Variants in ASB18 observed in about 807,000 individuals in gnomAD.
ASB18 encodes ankyrin repeat and SOCS box protein 18.
Under a neutral mutation model 33.4 loss-of-function variants are expected in ASB18, and 33 were observed. That is an observed-to-expected ratio of 0.99 (90% CI 0.75 to 1.32). The LOEUF (loss-of-function observed/expected upper bound fraction) is 1.32. ASB18 is among the 40% of genes most tolerant of loss of function. The pLI is 0.00. For synonymous variants in ASB18, 295 were observed against 307.6 expected (o/e 0.96, Z 0.43); for missense variants, 694 against 655.5 (o/e 1.06, Z -0.64).
chr2:236,204,259 G>T lies in ASB18; in HGVS notation c.1102-7874C>A, dbSNP rs2060422239. ...CTGCCTCGCCAGTGGTCCATGCTCT[G>T]CCTCACTTTACTTGCTGTGTCAGCC... On this transcript the variant is annotated intron_variant, in intron 4 of 5. Coordinates refer to ENST00000409749, the MANE Select transcript of ASB18 (RefSeq NM_212556.4). This position sits in a 1 kb window ranked among gnomAD's most constrained non-coding sequence, Gnocchi z 5.1. Among the ~76,000 whole-genome samples, 1 of 152,128 alleles carries T rather than the reference G, an allele frequency of 6.6e-6. No individual in the cohort carries two copies. Among genetic ancestry groups the T allele is most frequent in the African/African-American group, 2.4e-5 (1 of 41,418 alleles).
chr2:236,231,038 C>T lies in ASB18; in HGVS notation c.596+6651G>A, dbSNP rs913384354. On this transcript the variant is annotated intron_variant, in intron 3 of 5. Transcript: ENST00000409749. This position sits in a 1 kb window ranked among gnomAD's most constrained non-coding sequence, Gnocchi z 5.5. ...GGATGGTATGGTAGGCAGTATCTAGCATGGTCCCCCACTGAAGTCTATCTT... is the reference window on the plus strand; with the variant it reads ...GGATGGTATGGTAGGCAGTATCTAGTATGGTCCCCCACTGAAGTCTATCTT... Among the ~76,000 whole-genome samples, 2 of 152,160 alleles carry T rather than the reference C, an allele frequency of 1.3e-5. No homozygotes were observed. The highest frequency in any genetic ancestry group is 4.8e-5 in the African/African-American group (2 of 41,444).
In ASB18 at chr2:236,250,870, T is replaced by A. The variant is rs1403159873; in HGVS notation, c.206-9468A>T. 2 of 152,220 alleles carry A rather than the reference T, an allele frequency of 1.3e-5. No homozygotes were observed. Among genetic ancestry groups the A allele is most frequent in the African/African-American group, 4.8e-5 (2 of 41,456 alleles). The allele number at this position is 152,220 out of a possible 1,614,324, so 9.4% of individuals were successfully genotyped here. A position where few individuals can be genotyped will look rare whatever the true frequency, so the allele number is the denominator to read the frequency against. Reference sequence around the variant, plus strand: ...CATTAATATCAAAAATGTTAAAGTATCTCAACCTCCTCTCTGAATAACAAT... The same window carrying A: ...CATTAATATCAAAAATGTTAAAGTAACTCAACCTCCTCTCTGAATAACAAT... On this transcript the variant is annotated intron_variant, in intron 1 of 5. Coordinates refer to ENST00000409749, the MANE Select transcript of ASB18 (RefSeq NM_212556.4). This position sits in a 1 kb window ranked among gnomAD's most constrained non-coding sequence, Gnocchi z 4.1.
rs923384223 is a variant in ASB18, at chr2:236,245,791, C to T, written c.206-4389G>A. Reference sequence around the variant, plus strand: ...GTTCTTCATGCCCCGCATGGTGTTCCACACAGAGAAGGTCTTCAATGCCAA... The same window carrying T: ...GTTCTTCATGCCCCGCATGGTGTTCTACACAGAGAAGGTCTTCAATGCCAA... On this transcript the variant is annotated intron_variant, in intron 1 of 5. Coordinates refer to ENST00000409749, the MANE Select transcript of ASB18 (RefSeq NM_212556.4). The surrounding 1 kb of genome is among the most constrained non-coding windows in gnomAD (Gnocchi z 4.7). 2.6e-5 allele frequency among the ~76,000 whole-genome samples: 4 copies of T among 152,178 alleles called. No individual in the cohort carries two copies. The highest frequency in any genetic ancestry group is 5.9e-5 in the Non-Finnish European group (4 of 68,030).
In ASB18 at chr2:236,238,036, G is replaced by A. The variant is rs1246453525; in HGVS notation, c.329-80C>T. 7 of 1,258,178 alleles carry A rather than the reference G, an allele frequency of 5.6e-6. No homozygotes were observed. The highest frequency in any genetic ancestry group is 7.3e-6 in the Non-Finnish European group (7 of 963,970). The allele number at this position is 1,258,178 out of a possible 1,614,324, so 77.9% of individuals were successfully genotyped here. A position where few individuals can be genotyped will look rare whatever the true frequency, so the allele number is the denominator to read the frequency against. Reference sequence around the variant, plus strand: ...TGGGCGGTGTTCCTTAAGGCGGAAAGAAAGTGAAGCCGTCTCTTAAAGGTA... The same window carrying A: ...TGGGCGGTGTTCCTTAAGGCGGAAAAAAAGTGAAGCCGTCTCTTAAAGGTA... On this transcript the variant is annotated intron_variant, in intron 2 of 5. Coordinates refer to ENST00000409749, the MANE Select transcript of ASB18 (RefSeq NM_212556.4). The surrounding 1 kb of genome is among the most constrained non-coding windows in gnomAD (Gnocchi z 5.2).
At position 236,194,856 on chromosome 2, in the gene ASB18, T is replaced by C. The variant is rs371511106; in HGVS notation, c.*16A>G. ...CAGCGAGGAGAACAACAGTATTGGT[T>C]GCAGCGTTCTGCGTTTCAGTGCAAA... On this transcript the variant is annotated 3_prime_UTR_variant, in exon 6 of 6. Transcript: ENST00000409749. This position sits in a 1 kb window ranked among gnomAD's most constrained non-coding sequence, Gnocchi z 4.5. The C allele has an allele frequency of 5.4e-5, 87 of 1,607,248 alleles. No individual in the cohort carries two copies. The highest frequency in any genetic ancestry group is 3.3e-4 in the Middle Eastern group (2 of 6,056).
rs2060366541 is a variant in ASB18 at position 236,195,299 on chromosome 2, C to T, written c.1216-242G>A. On this transcript the variant is annotated intron_variant, in intron 5 of 5. Coordinates refer to ENST00000409749, the MANE Select transcript of ASB18 (RefSeq NM_212556.4). The surrounding 1 kb of genome is among the most constrained non-coding windows in gnomAD (Gnocchi z 5.5). ...ATTCTGACTGGGGTGACTTCAGATG[C>T]TCCAGGTGGTCTCCCCGAATTCCGT... Among the ~76,000 whole-genome samples, 1 of 152,164 alleles carries T rather than the reference C, an allele frequency of 6.6e-6. No individual in the cohort carries two copies. The highest frequency in any genetic ancestry group is 1.5e-5 in the Non-Finnish European group (1 of 68,032).
intron 1 of ASB18, among the ~76,000 whole-genome samples, chr2:236,254,395 C>G (rs1166867331): frequency 6.6e-6 from 1 of 151,850 alleles, no homozygotes; most frequent in Non-Finnish European, 1.5e-5. Context: ...AATTGAGCAC[C>G]CAGGCATGCG....
At position 236,251,715 on chromosome 2, in the gene ASB18, A is replaced by G. The variant is rs1314948639; in HGVS notation, c.206-10313T>C. 1.3e-5 allele frequency among the ~76,000 whole-genome samples: 2 copies of G among 152,254 alleles called. No individual in the cohort carries two copies. Among genetic ancestry groups the G allele is most frequent in the Non-Finnish European group, 2.9e-5 (2 of 68,052 alleles). ...CGGAAAAACAGGAAAAAAAATGATA[A>G]GAACTGTAAGTGACTGCTGAAACAC... On this transcript the variant is annotated intron_variant, in intron 1 of 5. Coordinates refer to ENST00000409749, the MANE Select transcript of ASB18 (RefSeq NM_212556.4). The surrounding 1 kb of genome is among the most constrained non-coding windows in gnomAD (Gnocchi z 5.3).
In ASB18 at chr2:236,225,551, A is replaced by G. The variant is rs2060533031; in HGVS notation, c.597-10685T>C. Reference sequence around the variant, plus strand: ...CGAGACAGCTATAGACAAGAAAAAGAATAGGGCGTCAACACATTCTTTTCT... The same window carrying G: ...CGAGACAGCTATAGACAAGAAAAAGGATAGGGCGTCAACACATTCTTTTCT... On this transcript the variant is annotated intron_variant, in intron 3 of 5. Coordinates refer to ENST00000409749, the MANE Select transcript of ASB18 (RefSeq NM_212556.4). This position sits in a 1 kb window ranked among gnomAD's most constrained non-coding sequence, Gnocchi z 5.1. 6.6e-6 allele frequency among the ~76,000 whole-genome samples: 1 copy of G among 152,230 alleles called. No individual in the cohort carries two copies. The highest frequency in any genetic ancestry group is 1.5e-5 in the Non-Finnish European group (1 of 68,044).
rs1352396536 is a variant in ASB18 at position 236,226,009 on chromosome 2, C to T, written c.597-11143G>A. ...AAAAAAATTAAGGATGACCTAAAAT[C>T]TACTGTGTTTAAAAAGATTGCAGAG... On this transcript the variant is annotated intron_variant, in intron 3 of 5. Coordinates refer to ENST00000409749, the MANE Select transcript of ASB18 (RefSeq NM_212556.4). The surrounding 1 kb of genome is among the most constrained non-coding windows in gnomAD (Gnocchi z 4.8). Among the ~76,000 whole-genome samples the T allele has an allele frequency of 6.6e-6, 1 of 152,160 alleles. No individual in the cohort carries two copies. Among genetic ancestry groups the T allele is most frequent in the East Asian group, 1.9e-4 (1 of 5,194 alleles).
At position 236,239,366 on chromosome 2, in the gene ASB18, G is replaced by A. The variant is rs1273133145; in HGVS notation, c.329-1410C>T. On this transcript the variant is annotated intron_variant, in intron 2 of 5. Transcript: ENST00000409749. This position sits in a 1 kb window ranked among gnomAD's most constrained non-coding sequence, Gnocchi z 5.6. The stretch of plus-strand genomic sequence containing the variant: ...GGACTGATGGGGAGAAGCCATAGGT[G>A]GGGATCTAGCTCAGCCACAGTGTGG... Among the ~76,000 whole-genome samples the A allele has an allele frequency of 6.6e-6, 1 of 152,034 alleles. No homozygotes were observed. Among genetic ancestry groups the A allele is most frequent in the Non-Finnish European group, 1.5e-5 (1 of 68,012 alleles).
Position 236,211,983 on chromosome 2 carries a change from C to G in ASB18, c.1101+2379G>C, listed in dbSNP as rs1443229591. On this transcript the variant is annotated intron_variant, in intron 4 of 5. Coordinates refer to ENST00000409749, the MANE Select transcript of ASB18 (RefSeq NM_212556.4). This position sits in a 1 kb window ranked among gnomAD's most constrained non-coding sequence, Gnocchi z 5.0. ...GTGGCTGGAATCCCTTTCATTCATT[C>G]AACAAACACTGATGGAAGGTCTGTG... 6.6e-6 allele frequency among the ~76,000 whole-genome samples: 1 copy of G among 152,162 alleles called. No individual in the cohort carries two copies.
In ASB18 at chr2:236,237,398, CCGGG is replaced by C. The variant is rs2060598781; in HGVS notation, c.596+287_596+290del. Among the ~76,000 whole-genome samples, 1 of 91,940 alleles carries C rather than the reference CCGGG, an allele frequency of 1.1e-5. No homozygotes were observed. The highest frequency in any genetic ancestry group is 2.8e-4 in the South Asian group (1 of 3,520). 60.3% of individuals were successfully genotyped at this position (91,940 alleles called of 152,430 possible). On this transcript the variant is annotated intron_variant, in intron 3 of 5. Coordinates refer to ENST00000409749, the MANE Select transcript of ASB18 (RefSeq NM_212556.4). The surrounding 1 kb of genome is among the most constrained non-coding windows in gnomAD (Gnocchi z 6.2). ...CCGGGGCGCGGGGCGGGGGCCGGGG[CCGGG>C]GCGCGGGGCGGGGGCCGGGGCCGGG...
At chr2:236,207,136 C>T (rs544321769) in intron 4 of ASB18, among the ~76,000 whole-genome samples, 6 of 152,342 alleles carry the variant, frequency 3.9e-5, no homozygotes, top group African/African-American at 1.4e-4. Flanking sequence ...CTTGAGGGGG[C>T]TTTCCCTTTC....
chr2:236,201,321 T>A (rs906967034), intron 4 of ASB18, among the ~76,000 whole-genome samples: 14 of 152,094 alleles, frequency 9.2e-5, no homozygotes, highest in East Asian at 3.8e-4. Context: ...CAGGCTAATT[T>A]AAAAATTTTT....
Position 236,223,304 on chromosome 2 carries a change from G to A in ASB18, c.597-8438C>T, listed in dbSNP as rs2060521212. ...TTGACTTTCTAGAAGCTTCATTGGTGTGCCTTCCTCAGTAAGGCATGCATA... is the reference window on the plus strand; with the variant it reads ...TTGACTTTCTAGAAGCTTCATTGGTATGCCTTCCTCAGTAAGGCATGCATA... On this transcript the variant is annotated intron_variant, in intron 3 of 5. Transcript: ENST00000409749. The surrounding 1 kb of genome is among the most constrained non-coding windows in gnomAD (Gnocchi z 4.6). 6.6e-6 allele frequency among the ~76,000 whole-genome samples: 1 copy of A among 152,142 alleles called. No individual in the cohort carries two copies. The highest frequency in any genetic ancestry group is 1.5e-5 in the Non-Finnish European group (1 of 68,030).
In ASB18 at chr2:236,248,983, T is replaced by G. The variant is rs1291317436; in HGVS notation, c.206-7581A>C. ...GTTCCCCGTTTGGGGCACTAGAAGT[T>G]TCTTTCTCTTGTTTTTAAGTTAAGA... On this transcript the variant is annotated intron_variant, in intron 1 of 5. Transcript: ENST00000409749. This position sits in a 1 kb window ranked among gnomAD's most constrained non-coding sequence, Gnocchi z 4.9. 1 of 152,216 alleles carries G rather than the reference T, an allele frequency of 6.6e-6. No homozygotes were observed. The highest frequency in any genetic ancestry group is 1.5e-5 in the Non-Finnish European group (1 of 68,030). The allele number at this position is 152,216 out of a possible 1,614,324, so 9.4% of individuals were successfully genotyped here.
At position 236,238,906 on chromosome 2, in the gene ASB18, G is replaced by A. The variant is rs966098512; in HGVS notation, c.329-950C>T. ...CCACCTCCTTCCCAGGACCCATGCT[G>A]AGCAGCCTTGAAAGTCCATTCATTA... On this transcript the variant is annotated intron_variant, in intron 2 of 5. Coordinates refer to ENST00000409749, the MANE Select transcript of ASB18 (RefSeq NM_212556.4). This position sits in a 1 kb window ranked among gnomAD's most constrained non-coding sequence, Gnocchi z 5.2. Among the ~76,000 whole-genome samples the A allele has an allele frequency of 1.3e-5, 2 of 152,156 alleles. No homozygotes were observed. Among genetic ancestry groups the A allele is most frequent in the East Asian group, 1.9e-4 (1 of 5,188 alleles).
At chr2:236,224,828 T>A (rs1053758496) in intron 3 of ASB18, among the ~76,000 whole-genome samples, 7 of 151,978 alleles carry the variant, frequency 4.6e-5, no homozygotes. Flanking sequence ...TGACATCTCA[T>A]TCTTCTCTGA....
Sources: allele counts gnomAD v4.1 joint callset (sites outside exome capture counted in the v4.1 genomes callset), GRCh38; gene constraint gnomAD v4.1.1; non-coding constraint Gnocchi (gnomAD v3.1); transcripts MANE v1.5; gene names NCBI Gene and HGNC (gene_info 2026-07-23, HGNC 2026-07-21).